VEPH1: variants seen among roughly 807,000 people sequenced by gnomAD.
VEPH1 encodes ventricular zone-expressed PH domain-containing protein homolog 1.
A neutral mutation model predicts 85.2 loss-of-function variants in VEPH1; 80 were observed. That is an observed-to-expected ratio of 0.94 (90% confidence interval 0.78 to 1.13). The LOEUF (loss-of-function observed/expected upper bound fraction) is 1.13, where lower values mean the gene tolerates loss of function less well. VEPH1 is among the 50% of genes most tolerant of loss of function. The pLI, the probability that VEPH1 is intolerant of heterozygous loss-of-function variation, is 0.00. For missense variants in VEPH1, 955 were observed against 980.5 expected, an observed-to-expected ratio of 0.97 and a Z score of 0.35; for synonymous variants, 297 against 348.0, an observed-to-expected ratio of 0.85 and a Z score of 1.63.
intron 2 of VEPH1, among the ~76,000 whole-genome samples, chr3:157,479,523 C>A (rs1006911665): frequency 6.6e-6 from 1 of 152,086 alleles, no homozygotes; most frequent in African/African-American, 2.4e-5. Context: ...GGAGGGAATA[C>A]CTCAGATAAA....
chr3:157,401,730 TAA>T (rs1730805209), intron 6 of VEPH1, among the ~76,000 whole-genome samples: 5 of 149,654 alleles, frequency 3.3e-5, no homozygotes, highest in African/African-American at 2.5e-5. Flanking sequence ...GATTTTTCCT[TAA>T]TTTTTTTTTT....
chr3:157,426,609 C>T (rs907573484), intron 5 of VEPH1, among the ~76,000 whole-genome samples: 3 of 152,098 alleles, frequency 2.0e-5, no homozygotes, highest in African/African-American at 7.2e-5. Context: ...CTACTTGAAT[C>T]CAAAGAACAA....
At chr3:157,287,768 T>C (rs764633868) in intron 11 of VEPH1, among the ~76,000 whole-genome samples, 10 of 152,178 alleles carry the variant, frequency 6.6e-5, no homozygotes, top group Non-Finnish European at 1.5e-4. Flanking sequence ...TTATGCCGTG[T>C]TGGCCAGGCT....
At chr3:157,301,475 A>G (rs979223037) in intron 11 of VEPH1, among the ~76,000 whole-genome samples, 3 of 152,070 alleles carry the variant, frequency 2.0e-5, no homozygotes, top group Non-Finnish European at 2.9e-5. Context: ...ACTCATCTCT[A>G]CAATCCCCCC....
At chr3:157,410,026 A>G (rs1434513318) in intron 6 of VEPH1, 18 of 785,858 alleles carry the variant, frequency 2.3e-5, no homozygotes, top group Non-Finnish European at 2.6e-5. Flanking sequence ...AAGTTGGAGC[A>G]GGATCTCAAA....
intron 9 of VEPH1, among the ~76,000 whole-genome samples, chr3:157,349,425 C>G (rs994094759): frequency 6.6e-6 from 1 of 152,126 alleles, no homozygotes; most frequent in Non-Finnish European, 1.5e-5. Flanking sequence ...CAGTTAATGT[C>G]TTACTGAATG....
intron 7 of VEPH1, among the ~76,000 whole-genome samples, chr3:157,370,471 G>A (rs181501875): frequency 6.6e-6 from 1 of 152,332 alleles, no homozygotes; most frequent in Admixed American, 6.5e-5. Flanking sequence ...TTCTTAGAAT[G>A]CTACGTTCCT....
intron 11 of VEPH1, among the ~76,000 whole-genome samples, chr3:157,310,077 A>G (rs1719937552): frequency 6.6e-6 from 1 of 152,184 alleles, no homozygotes; most frequent in Non-Finnish European, 1.5e-5. Flanking sequence ...TACCTGGCTG[A>G]ATTTACTGCA....
intron 2 of VEPH1, among the ~76,000 whole-genome samples, chr3:157,478,740 T>G (rs1443081912): frequency 6.6e-6 from 1 of 152,264 alleles, no homozygotes; most frequent in East Asian, 1.9e-4. Context: ...TAAGCAGCTG[T>G]CCATAAAGAT....
intron 12 of VEPH1, among the ~76,000 whole-genome samples, chr3:157,271,849 A>C (rs957858405): frequency 6.6e-6 from 1 of 152,204 alleles, no homozygotes; most frequent in East Asian, 1.9e-4. Flanking sequence ...TCAAAAGTTC[A>C]TGAAAAAAAT....
At chr3:157,408,943 C>G (rs1183379936) in intron 6 of VEPH1, among the ~76,000 whole-genome samples, 1 of 151,942 alleles carries the variant, frequency 6.6e-6, no homozygotes, top group Non-Finnish European at 1.5e-5. Flanking sequence ...GCATAATAAC[C>G]CATAGGCAGT....
rs375352596 is a variant in VEPH1 at position 157,347,200 on chromosome 3, CA to C, written c.1735+16163del. Among the ~76,000 whole-genome samples the C allele has an allele frequency of 4.9e-4, 69 of 141,496 alleles. 1 individual carries two copies. Among genetic ancestry groups the C allele is most frequent in the East Asian group, 2.2e-3 (11 of 4,900 alleles). 92.8% of individuals were successfully genotyped at this position (141,496 alleles called of 152,430 possible). A position where few individuals can be genotyped will look rare whatever the true frequency, so the allele number is the denominator to read the frequency against. On this transcript the variant is annotated intron_variant, in intron 9 of 13. Transcript: ENST00000362010. ...CAGTTTAAAAACTGTTAAAAACCAACAAAAAAAAAACCCATGGTGTACCTGT... is the reference window on the plus strand; with the variant it reads ...CAGTTTAAAAACTGTTAAAAACCAACAAAAAAAAACCCATGGTGTACCTGT...
intron 2 of VEPH1, among the ~76,000 whole-genome samples, chr3:157,481,723 T>G (rs1202943382): frequency 2.0e-5 from 3 of 152,184 alleles, no homozygotes; most frequent in African/African-American, 7.2e-5. Context: ...TCTTTGAGGA[T>G]TCTTATAATT....
intron 7 of VEPH1, among the ~76,000 whole-genome samples, chr3:157,370,454 T>C (rs956895847): frequency 6.6e-6 from 1 of 152,112 alleles, no homozygotes; most frequent in Non-Finnish European, 1.5e-5. Context: ...CACATTGGAG[T>C]CCTGAATTCT....
intron 6 of VEPH1, among the ~76,000 whole-genome samples, chr3:157,403,636 G>T (rs1730930441): frequency 6.6e-6 from 1 of 152,070 alleles, no homozygotes; most frequent in African/African-American, 2.4e-5. Flanking sequence ...GCAGGTGTGT[G>T]ATAAATATTC....
At chr3:157,331,753 A>G (rs1303385096) in intron 9 of VEPH1, among the ~76,000 whole-genome samples, 5 of 152,228 alleles carry the variant, frequency 3.3e-5, no homozygotes, top group Non-Finnish European at 7.3e-5. Context: ...TTGTACTTGC[A>G]GATTTGAATA....
intron 9 of VEPH1, among the ~76,000 whole-genome samples, chr3:157,320,647 T>C (rs766161620): frequency 2.0e-5 from 3 of 152,182 alleles, no homozygotes; most frequent in Non-Finnish European, 4.4e-5. Context: ...TTATTTTTAT[T>C]GGAATGTGGC....
At chr3:157,288,682 A>T (rs545811154) in intron 11 of VEPH1, among the ~76,000 whole-genome samples, 1 of 152,256 alleles carries the variant, frequency 6.6e-6, no homozygotes, top group South Asian at 2.1e-4. Context: ...ATGAGGACAG[A>T]TATTTTGTCT....
chr3:157,320,465 AT>A (rs1721232885), intron 9 of VEPH1, among the ~76,000 whole-genome samples: 2 of 152,182 alleles, frequency 1.3e-5, no homozygotes, highest in Admixed American at 1.3e-4. Context: ...GTTTAAGGTA[AT>A]TCCAGATAGT....
Sources: gnomAD v4.1 joint callset for allele counts (sites outside exome capture counted in the v4.1 genomes callset) on GRCh38, gnomAD v4.1.1 for gene constraint, MANE v1.5 for transcripts, NCBI Gene and HGNC (gene_info 2026-07-23, HGNC 2026-07-21) for gene names.